BCL11B: variants seen among roughly 807,000 people sequenced by gnomAD.
BCL11B encodes B-cell lymphoma/leukemia 11B.
Under a neutral mutation model 49.9 loss-of-function variants are expected in BCL11B, and 8 were observed. That is an observed-to-expected ratio of 0.16 (90% CI 0.09 to 0.29). The LOEUF (loss-of-function observed/expected upper bound fraction) is 0.29, where lower values mean the gene tolerates loss of function less well. Ranked by LOEUF, BCL11B falls within the 10% of genes least tolerant of loss-of-function variation. The pLI, the probability that BCL11B is intolerant of heterozygous loss-of-function variation, is 1.00. For synonymous variants in BCL11B, 739 were observed against 637.4 expected (o/e 1.16, Z -2.40); for missense variants, 1,006 against 1,351.0 (o/e 0.74, Z 4.00).
intron 2 of BCL11B, among the ~76,000 whole-genome samples, chr14:99,244,366 G>A (rs1296052547): frequency 3.3e-5 from 5 of 151,606 alleles, no homozygotes; most frequent in Non-Finnish European, 5.9e-5. Context: ...ATGAACTGCA[G>A]AGACCTAGGA....
rs540284609 is a variant in BCL11B at position 99,195,076 on chromosome 14, G to T, written c.641-18881C>A. Among the ~76,000 whole-genome samples the T allele has an allele frequency of 6.6e-6, 1 of 152,308 alleles. No homozygotes were observed. Among genetic ancestry groups the T allele is most frequent in the South Asian group, 2.1e-4 (1 of 4,826 alleles). ...CAGCATGCAGAAAGGGCTTCCTGAG[G>T]TCGCACAGCCCAAGGATGAGGCTGG... On this transcript the variant is annotated intron_variant, in intron 3 of 3. Transcript: ENST00000357195. The surrounding 1 kb of genome is among the most constrained non-coding windows in gnomAD (Gnocchi z 4.7).
rs189385215 is a variant in BCL11B at position 99,195,146 on chromosome 14, A to T, written c.641-18951T>A. 6.6e-6 allele frequency among the ~76,000 whole-genome samples: 1 copy of T among 152,326 alleles called. No homozygotes were observed. Among genetic ancestry groups the T allele is most frequent in the Admixed American group, 6.5e-5 (1 of 15,310 alleles). On this transcript the variant is annotated intron_variant, in intron 3 of 3. Transcript: ENST00000357195. This position sits in a 1 kb window ranked among gnomAD's most constrained non-coding sequence, Gnocchi z 4.7. Reference sequence around the variant, plus strand: ...AGACTCCTCTTCTGCCCAGATGATCAGGGGACTGAAAAGTACCTAAAGCAA... The same window carrying T: ...AGACTCCTCTTCTGCCCAGATGATCTGGGGACTGAAAAGTACCTAAAGCAA...
chr14:99,201,482 G>C (rs1006878363), intron 3 of BCL11B, among the ~76,000 whole-genome samples: 5 of 152,114 alleles, frequency 3.3e-5, no homozygotes. Context: ...CAGAGAGGTG[G>C]AGTAACTTGT....
Position 99,175,414 on chromosome 14 carries a change from C to T in BCL11B, c.1422G>A (p.Met474Ile). The T allele has an allele frequency of 6.2e-7, 1 of 1,609,172 alleles. No homozygotes were observed. The highest frequency in any genetic ancestry group is 2.2e-5 in the East Asian group (1 of 44,602). Residue 474 changes from methionine to isoleucine, a missense_variant, in exon 4 of 4, where the codon ATG becomes ATA. By Grantham distance (10) the Met-to-Ile change is conservative. Around this residue, in one of 6 missense-constraint regions of BCL11B, gnomAD observed 15 missense variants for 75.3 expected, o/e 0.20. Transcript: ENST00000357195. ...AGCCGGCCTTGTGCATGTGCGTCTT[C>T]ATGTGGCGCTTGAGCTTGCTGGCCT... ...CSQASKLKRH[M>I]KTHMHKAGSL...
At chr14:99,269,771 C>A (rs1889601114) in intron 1 of BCL11B, among the ~76,000 whole-genome samples, 2 of 149,634 alleles carry the variant, frequency 1.3e-5, no homozygotes, top group African/African-American at 4.9e-5. Flanking sequence ...GAGCTCCGCG[C>A]GGGCAGCCCG....
chr14:99,211,081 G>A (rs542989143), intron 3 of BCL11B, among the ~76,000 whole-genome samples: 62 of 152,276 alleles, frequency 4.1e-4, no homozygotes, highest in African/African-American at 1.5e-3. Flanking sequence ...GCCCCGTCCT[G>A]AGCCATCCAC....
intron 3 of BCL11B, among the ~76,000 whole-genome samples, chr14:99,218,876 T>C (rs1027309992): frequency 6.6e-6 from 1 of 152,094 alleles, no homozygotes. Context: ...CCAAAGACAA[T>C]TGTCTTTTTT....
chr14:99,210,068 T>C (rs1245929364), intron 3 of BCL11B, among the ~76,000 whole-genome samples: 1 of 152,036 alleles, frequency 6.6e-6, no homozygotes, highest in Non-Finnish European at 1.5e-5. Context: ...TAAGTTTCAA[T>C]TCCTGGGCAG....
chr14:99,177,156 C>G (rs1225715963), intron 3 of BCL11B, among the ~76,000 whole-genome samples: 2 of 152,198 alleles, frequency 1.3e-5, no homozygotes, highest in African/African-American at 4.8e-5. Context: ...AATTCCACCT[C>G]CAGACCCCAG....
intron 3 of BCL11B, among the ~76,000 whole-genome samples, chr14:99,181,306 A>AG (rs957177208): frequency 1.3e-5 from 2 of 152,210 alleles, no homozygotes; most frequent in Non-Finnish European, 2.9e-5. Context: ...ATTTTACACT[A>AG]GGCGTGGCAT....
chr14:99,271,267 G>T lies in BCL11B; in HGVS notation c.-49C>A. On this transcript the variant is annotated 5_prime_UTR_variant, in exon 1 of 4. Transcript: ENST00000357195. ...CGCCCGGAGAGCTGCACTGATGGGG[G>T]GAGCCGGGGGAGGGGGTCCGAGCCG... 1 of 1,286,684 alleles carries T rather than the reference G, an allele frequency of 7.8e-7. No homozygotes were observed. Among genetic ancestry groups the T allele is most frequent in the South Asian group, 2.9e-5 (1 of 34,740 alleles). The allele number at this position is 1,286,684 out of a possible 1,614,324, so 79.7% of individuals were successfully genotyped here.
intron 2 of BCL11B, among the ~76,000 whole-genome samples, chr14:99,245,686 A>AG (rs11404559): frequency 1 from 152,294 of 152,294 alleles, 76,147 homozygotes; most frequent in Non-Finnish European, 1. Flanking sequence ...ACCGGCGCGC[A>AG]CGGTTTCGGG....
At chr14:99,268,193 T>A (rs1030307003) in intron 1 of BCL11B, among the ~76,000 whole-genome samples, 6 of 151,682 alleles carry the variant, frequency 4.0e-5, no homozygotes, top group Non-Finnish European at 8.8e-5. Flanking sequence ...CACTCTTTTT[T>A]ACCTCACTCC....
rs1889198104 is a variant in BCL11B, at chr14:99,257,441, C to T, written c.427+30G>A. ...CATGGGACCCAGGAGGTGGCTTCCACAGCAACCAGGCAAGCGCAGCATCCC... is the reference window on the plus strand; with the variant it reads ...CATGGGACCCAGGAGGTGGCTTCCATAGCAACCAGGCAAGCGCAGCATCCC... On this transcript the variant is annotated intron_variant, in intron 2 of 3. Coordinates refer to ENST00000357195, the MANE Select transcript of BCL11B (RefSeq NM_138576.4). The surrounding 1 kb of genome is among the most constrained non-coding windows in gnomAD (Gnocchi z 6.2). 1 of 1,557,208 alleles carries T rather than the reference C, an allele frequency of 6.4e-7. No homozygotes were observed. Among genetic ancestry groups the T allele is most frequent in the Non-Finnish European group, 8.7e-7 (1 of 1,145,302 alleles).
chr14:99,269,991 C>A (rs1426886645), intron 1 of BCL11B, among the ~76,000 whole-genome samples: 1 of 150,402 alleles, frequency 6.6e-6, no homozygotes, highest in Non-Finnish European at 1.5e-5. Context: ...CCGCGGGCTG[C>A]GGCGGGCGGG....
chr14:99,195,694 A>T lies in BCL11B; in HGVS notation c.641-19499T>A, dbSNP rs1288566207. Among the ~76,000 whole-genome samples, 1 of 152,078 alleles carries T rather than the reference A, an allele frequency of 6.6e-6. No homozygotes were observed. The highest frequency in any genetic ancestry group is 2.4e-5 in the African/African-American group (1 of 41,408). On this transcript the variant is annotated intron_variant, in intron 3 of 3. Transcript: ENST00000357195. The surrounding 1 kb of genome is among the most constrained non-coding windows in gnomAD (Gnocchi z 4.7). ...GAAGTGCTCAAAATAAAGCATAAGT[A>T]AGTTTCCTCGAGCTAGCACCCCACC...
intron 2 of BCL11B, among the ~76,000 whole-genome samples, chr14:99,239,823 G>GA (rs1287026255): frequency 2.0e-5 from 3 of 152,168 alleles, no homozygotes; most frequent in African/African-American, 4.8e-5. Context: ...TTGCTCAACG[G>GA]CCATGTACAG....
chr14:99,174,533 C>T lies in BCL11B; in HGVS notation c.2303G>A (p.Ser768Asn). The change falls in exon 4 of 4, where the codon AGC becomes AAC. Residue 768 changes from serine (S) to asparagine (N), a missense_variant. Ser to Asn is a conservative substitution (Grantham distance 46, BLOSUM62 1). Around this residue, in one of 6 missense-constraint regions of BCL11B, gnomAD observed 443 missense variants for 499.7 expected, o/e 0.89. Coordinates refer to ENST00000357195, the MANE Select transcript of BCL11B (RefSeq NM_138576.4). ...GGTGCTGCCTCCGCTGGCCGTGCCGCTGCGGCCCGAGAGGCCGCCGTCCAG... is the reference window on the plus strand; with the variant it reads ...GGTGCTGCCTCCGCTGGCCGTGCCGTTGCGGCCCGAGAGGCCGCCGTCCAG... ...DLLDGGLSGR[S>N]GTASGGSTPH... 1 of 1,515,258 alleles carries T rather than the reference C, an allele frequency of 6.6e-7. No homozygotes were observed. Among genetic ancestry groups the T allele is most frequent in the Non-Finnish European group, 8.8e-7 (1 of 1,133,736 alleles). The allele number at this position is 1,515,258 out of a possible 1,614,324, so 93.9% of individuals were successfully genotyped here. A position where few individuals can be genotyped will look rare whatever the true frequency, so the allele number is the denominator to read the frequency against.
chr14:99,220,570 C>G (rs1887978306), intron 3 of BCL11B, among the ~76,000 whole-genome samples: 1 of 152,026 alleles, frequency 6.6e-6, no homozygotes, highest in South Asian at 2.1e-4. Flanking sequence ...GAATGGGGGG[C>G]TGGGGAGAGG....
Sources: gnomAD v4.1 joint callset for allele counts (sites outside exome capture counted in the v4.1 genomes callset) on GRCh38, gnomAD v4.1.1 for gene constraint, gnomAD v4.1.1 regional missense constraint, Gnocchi (gnomAD v3.1) non-coding constraint, MANE v1.5 for transcripts, NCBI Gene and HGNC (gene_info 2026-07-23, HGNC 2026-07-21) for gene names.